The following NPAS3 variants were observed in gnomAD, a reference collection of about 807,000 sequenced individuals.
NPAS3 encodes the protein neuronal PAS domain-containing protein 3.
A neutral mutation model predicts 73.1 loss-of-function variants in NPAS3; 14 were observed. The ratio of observed to expected loss-of-function variants is 0.19; its 90% CI spans 0.13 to 0.30. NPAS3 has a LOEUF of 0.30. Among genes scored for constraint, NPAS3 ranks in the 10% least tolerant of loss-of-function variants. The probability of loss-of-function intolerance (pLI) is 1.00; values close to 1 mark genes in which losing one functional copy is unlikely to be tolerated. For missense variants in NPAS3, 1,096 were observed against 1,250.0 expected (o/e 0.88, Z 1.86); for synonymous variants, 620 against 541.5 (o/e 1.14, Z -2.01).
chr14:33,803,858 T>G (rs2063772978), downstream of NPAS3: 1 of 152,184 alleles, frequency 6.6e-6, no homozygotes, highest in Admixed American at 6.5e-5. Flanking sequence ...CGTAAAAATC[T>G]TAGCAGTGTT....
chr14:33,789,447 A>T (rs898223708), intron 9 of NPAS3, among the ~76,000 whole-genome samples: 1 of 152,116 alleles, frequency 6.6e-6, no homozygotes, highest in Non-Finnish European at 1.5e-5. Flanking sequence ...TACGTCTGGG[A>T]CCTTTCAAGA....
chr14:33,770,004 A>G (rs750525938), intron 7 of NPAS3, among the ~76,000 whole-genome samples: 1 of 151,884 alleles, frequency 6.6e-6, no homozygotes, highest in Non-Finnish European at 1.5e-5. Flanking sequence ...GGCTCAAGCA[A>G]TCCTCCTCCC....
At chr14:33,279,861 C>T (rs2041516252) in intron 3 of NPAS3, among the ~76,000 whole-genome samples, 1 of 152,154 alleles carries the variant, frequency 6.6e-6, no homozygotes, top group Admixed American at 6.6e-5. Flanking sequence ...CAGTATTTAA[C>T]TCTTTTTGAA....
chr14:33,664,319 C>T (rs1488288405), intron 5 of NPAS3, among the ~76,000 whole-genome samples: 2 of 152,112 alleles, frequency 1.3e-5, no homozygotes, highest in African/African-American at 4.8e-5. Flanking sequence ...TAGCCATATG[C>T]AGAAAACTGA....
At chr14:33,051,197 C>G (rs1333946560) in intron 1 of NPAS3, among the ~76,000 whole-genome samples, 16 of 148,850 alleles carry the variant, frequency 1.1e-4, no homozygotes, top group African/African-American at 4.0e-4. Flanking sequence ...TGGCGTGAAC[C>G]CAGGAAGCGG....
intron 4 of NPAS3, among the ~76,000 whole-genome samples, chr14:33,389,973 A>T (rs978436723): frequency 6.6e-6 from 1 of 152,156 alleles, no homozygotes; most frequent in African/African-American, 2.4e-5. Flanking sequence ...TCATATGGTC[A>T]TCTGTCAGCC....
intron 5 of NPAS3, among the ~76,000 whole-genome samples, chr14:33,599,168 A>G (rs936584986): frequency 3.3e-5 from 5 of 152,088 alleles, no homozygotes; most frequent in South Asian, 4.2e-4. Context: ...TGTTATGTTT[A>G]TGTGTCCGTA....
chr14:33,492,472 G>T (rs961160243), intron 4 of NPAS3, among the ~76,000 whole-genome samples: 3 of 152,132 alleles, frequency 2.0e-5, no homozygotes, highest in Non-Finnish European at 4.4e-5. Flanking sequence ...GGACATGAAT[G>T]TTTCTCTCAT....
At chr14:33,237,808 A>G (rs1046410733) in intron 3 of NPAS3, among the ~76,000 whole-genome samples, 2 of 151,922 alleles carry the variant, frequency 1.3e-5, no homozygotes, top group Admixed American at 1.3e-4. Context: ...TATTTACATA[A>G]AGAAGATAAG....
chr14:33,363,435 A>T (rs2045695746), intron 3 of NPAS3, among the ~76,000 whole-genome samples: 1 of 152,212 alleles, frequency 6.6e-6, no homozygotes, highest in South Asian at 2.1e-4. Context: ...GAAAGGCCAA[A>T]TGCACAGTCT....
At chr14:33,790,403 C>T (rs1190738838) in intron 9 of NPAS3, among the ~76,000 whole-genome samples, 1 of 152,214 alleles carries the variant, frequency 6.6e-6, no homozygotes, top group Non-Finnish European at 1.5e-5. Context: ...TTCAAGTTCT[C>T]TAATTTATTA....
At position 33,120,465 on chromosome 14, in the gene NPAS3, A is replaced by AT. The variant is rs577751751; in HGVS notation, c.140+64472dup. On this transcript the variant is annotated intron_variant, in intron 2 of 11. Transcript: ENST00000356141. ...ACTGCAAATGCTTAGCCAGTGTGTC[A>AT]TATCACTTCTTAAGTGGTATTAGAC... Among the ~76,000 whole-genome samples the AT allele has an allele frequency of 1.7e-4, 26 of 152,284 alleles. No homozygotes were observed. The South Asian group carries it at 5.4e-3, about 32-fold the overall frequency.
intron 4 of NPAS3, among the ~76,000 whole-genome samples, chr14:33,520,551 A>G (rs1336489895): frequency 6.6e-6 from 1 of 152,104 alleles, no homozygotes; most frequent in Non-Finnish European, 1.5e-5. Flanking sequence ...TGAGAATGAA[A>G]TGGGCAGGAG....
At chr14:33,359,530 G>T (rs1343180863) in intron 3 of NPAS3, among the ~76,000 whole-genome samples, 2 of 152,184 alleles carry the variant, frequency 1.3e-5, no homozygotes, top group Non-Finnish European at 2.9e-5. Flanking sequence ...TGCTGCTGAG[G>T]TCAGAGGAGG....
intron 5 of NPAS3, among the ~76,000 whole-genome samples, chr14:33,672,411 A>C (rs777729967): frequency 6.6e-6 from 1 of 152,220 alleles, no homozygotes; most frequent in Non-Finnish European, 1.5e-5. Context: ...TCCGTTCTTT[A>C]TTCATTCAAC....
intron 4 of NPAS3, among the ~76,000 whole-genome samples, chr14:33,492,161 C>G (rs139193538): frequency 1.3e-5 from 2 of 152,032 alleles, no homozygotes; most frequent in African/African-American, 4.8e-5. Flanking sequence ...GATGTGTAAC[C>G]CCATTAACAT....
chr14:33,167,770 C>T (rs1483767568), intron 2 of NPAS3, among the ~76,000 whole-genome samples: 1 of 152,134 alleles, frequency 6.6e-6, no homozygotes, highest in Admixed American at 6.5e-5. Context: ...CTAACTGTTA[C>T]ATTGGGAGGA....
chr14:32,958,903 C>G (rs1359132744), intron 1 of NPAS3, among the ~76,000 whole-genome samples: 1 of 152,130 alleles, frequency 6.6e-6, no homozygotes, highest in Non-Finnish European at 1.5e-5. Flanking sequence ...TTTGCTCTGC[C>G]AAACTATAAC....
chr14:33,103,437 C>T lies in NPAS3; in HGVS notation c.140+47443C>T, dbSNP rs74317840. On this transcript the variant is annotated intron_variant, in intron 2 of 11. Coordinates refer to ENST00000356141, the Ensembl canonical transcript of NPAS3. ...CTGGCTTACTTAAGTGGTGTTACTG[C>T]TGAGCTGAATTTATTCTACATATTT... 5.1e-3 allele frequency among the ~76,000 whole-genome samples: 777 copies of T among 152,248 alleles called. 2 individuals are homozygous for T. The highest frequency in any genetic ancestry group is 0.037 in the Middle Eastern group (11 of 294).
Sources: allele counts gnomAD v4.1 joint callset (sites outside exome capture counted in the v4.1 genomes callset), GRCh38; gene constraint gnomAD v4.1.1; transcripts MANE v1.5; gene names NCBI Gene and HGNC (gene_info 2026-07-23, HGNC 2026-07-21).